SLC38A1: variants seen among roughly 807,000 people sequenced by gnomAD.
SLC38A1 encodes solute carrier family 38 member 1.
Under a neutral mutation model 60.3 loss-of-function variants are expected in SLC38A1, and 18 were observed. That is an observed-to-expected ratio of 0.30 (90% CI 0.21 to 0.44). The LOEUF (loss-of-function observed/expected upper bound fraction) is 0.44. SLC38A1 is among the 20% of genes least tolerant of loss of function. The pLI is 1.00. For synonymous variants in SLC38A1, 196 were observed against 212.1 expected (o/e 0.92, Z 0.66); for missense variants, 448 against 587.2 (o/e 0.76, Z 2.45).
At position 46,185,593 on chromosome 12, in the gene SLC38A1, A is replaced by G. The variant is rs1248688657; in HGVS notation, c.*3377T>C. The G allele has an allele frequency of 1.3e-5, 2 of 152,044 alleles. No individual in the cohort carries two copies. Among genetic ancestry groups the G allele is most frequent in the Admixed American group, 6.6e-5 (1 of 15,250 alleles). 9.4% of individuals were successfully genotyped at this position (152,044 alleles called of 1,614,324 possible). A position where few individuals can be genotyped will look rare whatever the true frequency, so the allele number is the denominator to read the frequency against. On this transcript the variant is annotated 3_prime_UTR_variant, in exon 17 of 17. Coordinates refer to ENST00000398637, the MANE Select transcript of SLC38A1 (RefSeq NM_030674.4). ...GCGCGCTGGCCTCAATGACTGGTAC[A>G]TTGGAGAAGCTATGCAGCAGCATCC...
chr12:46,206,217 C>T lies in SLC38A1; in HGVS notation c.564-55G>A, dbSNP rs1592082866. The T allele has an allele frequency of 8.7e-6, 9 of 1,032,078 alleles. No homozygotes were observed. The East Asian group carries it at 2.2e-4, about 26-fold the overall frequency. 63.9% of individuals were successfully genotyped at this position (1,032,078 alleles called of 1,614,324 possible). A position where few individuals can be genotyped will look rare whatever the true frequency, so the allele number is the denominator to read the frequency against. On this transcript the variant is annotated intron_variant, in intron 8 of 16. Coordinates refer to ENST00000398637, the MANE Select transcript of SLC38A1 (RefSeq NM_030674.4). ...TTTTTTTAGAAAGTGACTTTTTTCC[C>T]CTCCAATGTAAAATTTCATGATATC... is the stretch of plus-strand genomic sequence containing the variant.
chr12:46,267,402 C>A (rs542773616), intron 1 of SLC38A1: 1 of 152,498 alleles, frequency 6.6e-6, no homozygotes, highest in South Asian at 2.1e-4. Context: ...CACCACCTTC[C>A]CCAGCCCAAG....
intron 13 of SLC38A1, 67 bp downstream of exon 13, chr12:46,201,031 T>G: frequency 8.5e-7 from 1 of 1,177,692 alleles, no homozygotes; most frequent in East Asian, 2.5e-5. Flanking sequence ...TAAAAGTTAT[T>G]TCAACACTAA....
intron 3 of SLC38A1, among the ~76,000 whole-genome samples, chr12:46,230,604 T>C (rs1941038365): frequency 6.6e-6 from 1 of 152,114 alleles, no homozygotes; most frequent in Admixed American, 6.5e-5. Flanking sequence ...ATGGGGAAAA[T>C]AGGACTTGAG....
intron 5 of SLC38A1, among the ~76,000 whole-genome samples, chr12:46,211,694 T>A (rs923619296): frequency 6.6e-6 from 1 of 152,310 alleles, no homozygotes; most frequent in East Asian, 1.9e-4. Flanking sequence ...TGTTCACTTA[T>A]CTTCTTCCCC....
Position 46,183,248 on chromosome 12 carries a change from TAC to T in SLC38A1, c.*5720_*5721del, listed in dbSNP as rs1247794170. 4 of 152,260 alleles carry T rather than the reference TAC, an allele frequency of 2.6e-5. No individual in the cohort carries two copies. The highest frequency in any genetic ancestry group is 9.6e-5 in the African/African-American group (4 of 41,462). 9.4% of individuals were successfully genotyped at this position (152,260 alleles called of 1,614,324 possible). A position where few individuals can be genotyped will look rare whatever the true frequency, so the allele number is the denominator to read the frequency against. On this transcript the variant is annotated 3_prime_UTR_variant, in exon 17 of 17. Transcript: ENST00000398637. ...TTAAATCACCCATCTGAAATTCATT[TAC>T]AAGGTTTTTACATTAATAAAACAGT... is the stretch of plus-strand genomic sequence containing the variant.
chr12:46,229,020 A>T, intron 5 of SLC38A1, 133 bp downstream of exon 5: 1 of 516,090 alleles, frequency 1.9e-6, no homozygotes, highest in Non-Finnish European at 3.4e-6. Context: ...ATAAATATCA[A>T]AGTATGTACT....
At chr12:46,231,251 G>A (rs1008190480) in intron 3 of SLC38A1, among the ~76,000 whole-genome samples, 1 of 152,124 alleles carries the variant, frequency 6.6e-6, no homozygotes, top group African/African-American at 2.4e-5. Flanking sequence ...ACGGGTACAC[G>A]TGGACATAGA....
At position 46,187,850 on chromosome 12, in the gene SLC38A1, T is replaced by G. The variant is rs376668906; in HGVS notation, c.*1120A>C. 1 of 151,868 alleles carries G rather than the reference T, an allele frequency of 6.6e-6. No individual in the cohort carries two copies. Among genetic ancestry groups the G allele is most frequent in the East Asian group, 1.9e-4 (1 of 5,170 alleles). The allele number at this position is 151,868 out of a possible 1,614,324, so 9.4% of individuals were successfully genotyped here. On this transcript the variant is annotated 3_prime_UTR_variant, in exon 17 of 17. Coordinates refer to ENST00000398637, the MANE Select transcript of SLC38A1 (RefSeq NM_030674.4). ...GAAGAAGAAATAGAAATGAGGCTTA[T>G]TTAAGGTACAAAATTCTTGTATTTG...
chr12:46,237,975 C>A (rs1941315870), intron 3 of SLC38A1, among the ~76,000 whole-genome samples: 1 of 151,696 alleles, frequency 6.6e-6, no homozygotes, highest in Non-Finnish European at 1.5e-5. Flanking sequence ...AGCATTATAA[C>A]CAGAGGGAGG....
chr12:46,229,539 C>A, intron 4 of SLC38A1, 25 bp downstream of exon 4: 1 of 1,541,396 alleles, frequency 6.5e-7, no homozygotes, highest in East Asian at 2.2e-5. Flanking sequence ...AAAAAATAAG[C>A]ATACTTCATT....
intron 5 of SLC38A1, among the ~76,000 whole-genome samples, chr12:46,221,525 C>CT (rs1181031705): frequency 6.6e-6 from 1 of 152,132 alleles, no homozygotes; most frequent in Non-Finnish European, 1.5e-5. Flanking sequence ...TTCAGTTGAT[C>CT]TTTTTTCTCT....
chr12:46,196,111 G>T, intron 16 of SLC38A1: 1 of 1,529,854 alleles, frequency 6.5e-7, no homozygotes, highest in Non-Finnish European at 8.8e-7. Flanking sequence ...TTCTTTATTA[G>T]CAGTGTGAGA....
chr12:46,233,436 T>C (rs1260575773), intron 3 of SLC38A1, among the ~76,000 whole-genome samples: 3 of 152,138 alleles, frequency 2.0e-5, no homozygotes, highest in African/African-American at 4.8e-5. Context: ...TATATTTAAA[T>C]TAATAGAAAA....
chr12:46,236,821 G>A (rs765808904), intron 3 of SLC38A1, among the ~76,000 whole-genome samples: 2 of 152,184 alleles, frequency 1.3e-5, no homozygotes, highest in African/African-American at 4.8e-5. Flanking sequence ...CAGAATTGCA[G>A]ACCCCACCCC....
At chr12:46,201,292 G>A (rs1235577747) in intron 12 of SLC38A1, 94 bp from the exon 13 acceptor site, 21 of 1,047,274 alleles carry the variant, frequency 2.0e-5, no homozygotes, top group African/African-American at 4.8e-5. Context: ...CTTTGCTTCT[G>A]TCAGGTTAGG....
At chr12:46,198,544 T>C in intron 14 of SLC38A1, 81 bp downstream of exon 14, 1 of 929,404 alleles carries the variant, frequency 1.1e-6, no homozygotes, top group South Asian at 1.8e-5. Flanking sequence ...TGGGGCAGGC[T>C]TTCTCTGCAA....
chr12:46,249,749 G>A (rs1053652074), intron 1 of SLC38A1, among the ~76,000 whole-genome samples: 24 of 152,082 alleles, frequency 1.6e-4, no homozygotes, highest in African/African-American at 5.8e-4. Context: ...AAAAATGGCT[G>A]AATTCCTGGG....
chr12:46,229,964 C>T (rs760586219), intron 3 of SLC38A1, among the ~76,000 whole-genome samples: 18 of 152,202 alleles, frequency 1.2e-4, no homozygotes, highest in East Asian at 7.7e-4. Context: ...GAAAGACAAC[C>T]GTAAGTCAAA....
Sources: gnomAD v4.1 joint callset for allele counts (sites outside exome capture counted in the v4.1 genomes callset) on GRCh38, gnomAD v4.1.1 for gene constraint, MANE v1.5 for transcripts, NCBI Gene and HGNC (gene_info 2026-07-23, HGNC 2026-07-21) for gene names.